PBX3: variants seen among roughly 807,000 people sequenced by gnomAD.
PBX3 encodes the protein PBX homeobox 3.
In PBX3, 14 loss-of-function variants were observed where a neutral mutation model predicts 48.5. The observed-to-expected ratio is 0.29, with a 90% CI of 0.19 to 0.45. The LOEUF is 0.45. Ranked by LOEUF, PBX3 falls within the 20% of genes least tolerant of loss-of-function variation. The pLI, the probability that PBX3 is intolerant of heterozygous loss-of-function variation, is 1.00. For missense variants in PBX3, 386 were observed against 546.7 expected (o/e 0.71, Z 2.93); for synonymous variants, 210 against 200.3 (o/e 1.05, Z -0.41).
chr9:125,762,538 C>T (rs997793259), intron 2 of PBX3, among the ~76,000 whole-genome samples: 3 of 152,038 alleles, frequency 2.0e-5, no homozygotes, highest in Admixed American at 1.3e-4. Flanking sequence ...TGCCATTATT[C>T]GGTGAGCCTT....
intron 2 of PBX3, among the ~76,000 whole-genome samples, chr9:125,882,303 T>C (rs556471658): frequency 1.5e-4 from 23 of 152,270 alleles, no homozygotes; most frequent in African/African-American, 5.1e-4. Flanking sequence ...GTTTAGAACT[T>C]TGTAAACATT....
At chr9:125,949,280 GT>G (rs2118755085) in intron 5 of PBX3, 1 of 1,453,726 alleles carries the variant, frequency 6.9e-7, no homozygotes, top group East Asian at 2.5e-5. Context: ...ATGAAATCAT[GT>G]ATGAAGAGTG....
At position 125,841,416 on chromosome 9, in the gene PBX3, C is replaced by T. The variant is rs151286508; in HGVS notation, c.275-74270C>T. ...TTTTGTTTGTGTTAATCTAGCACAC[C>T]CTAGGTACTATGTTTTTTGTCTTGA... On this transcript the variant is annotated intron_variant, in intron 2 of 8. Coordinates refer to ENST00000373489, the MANE Select transcript of PBX3 (RefSeq NM_006195.6). 3.3e-3 allele frequency among the ~76,000 whole-genome samples: 500 copies of T among 152,154 alleles called. 2 individuals are homozygous for T. The highest frequency in any genetic ancestry group is 0.011 in the African/African-American group (447 of 41,526).
At chr9:125,849,756 G>A (rs1349872373) in intron 2 of PBX3, among the ~76,000 whole-genome samples, 7 of 151,726 alleles carry the variant, frequency 4.6e-5, no homozygotes, top group African/African-American at 1.7e-4. Flanking sequence ...ATTTCCTGAA[G>A]GCTGCATAGA....
At chr9:125,901,170 C>T (rs886341301) in intron 2 of PBX3, among the ~76,000 whole-genome samples, 5 of 151,686 alleles carry the variant, frequency 3.3e-5, no homozygotes, top group Admixed American at 2.6e-4. Context: ...GTGATATCTA[C>T]CCGCTTCCGT....
Position 125,882,053 on chromosome 9 carries a change from A to G in PBX3, c.275-33633A>G, listed in dbSNP as rs150755984. Among the ~76,000 whole-genome samples, 437 of 151,848 alleles carry G rather than the reference A, an allele frequency of 2.9e-3. 2 individuals carry two copies. The highest frequency in any genetic ancestry group is 7.5e-3 in the South Asian group (36 of 4,818). ...TCATCTCTGCAAAATAAATAAATAA[A>G]TAATAAAATAAAAATAAAAATAAAA... On this transcript the variant is annotated intron_variant, in intron 2 of 8. Coordinates refer to ENST00000373489, the MANE Select transcript of PBX3 (RefSeq NM_006195.6).
At position 125,759,640 on chromosome 9, in the gene PBX3, A is replaced by G. The variant is rs1403565601; in HGVS notation, c.274+11017A>G. On this transcript the variant is annotated intron_variant, in intron 2 of 8. Transcript: ENST00000373489. This position sits in a 1 kb window ranked among gnomAD's most constrained non-coding sequence, Gnocchi z 4.2. The stretch of plus-strand genomic sequence containing the variant: ...AAGGGGGAACATAATTTTGTGGGCA[A>G]TGAATTAAGTGTTTTTGTGGCCCTC... Among the ~76,000 whole-genome samples, 7 of 152,212 alleles carry G rather than the reference A, an allele frequency of 4.6e-5. No individual in the cohort carries two copies. In the South Asian group the frequency reaches 1.0e-3, roughly 23 times the overall value.
At chr9:125,757,283 TAAAA>T (rs60669435) in intron 2 of PBX3, among the ~76,000 whole-genome samples, 2 of 149,598 alleles carry the variant, frequency 1.3e-5, no homozygotes, top group Admixed American at 1.3e-4. Flanking sequence ...TGTTTTTTTT[TAAAA>T]AAAAAACTAC....
chr9:125,865,060 TC>T (rs1290534076), intron 2 of PBX3, among the ~76,000 whole-genome samples: 1 of 152,250 alleles, frequency 6.6e-6, no homozygotes, highest in African/African-American at 2.4e-5. Context: ...TCGGATTACT[TC>T]CTATGTATTC....
chr9:125,890,859 C>G (rs560197877), intron 2 of PBX3, among the ~76,000 whole-genome samples: 1 of 152,120 alleles, frequency 6.6e-6, no homozygotes, highest in Non-Finnish European at 1.5e-5. Flanking sequence ...CAAAACAGTT[C>G]CATGGTAATA....
chr9:125,795,878 A>G (rs554398259), intron 2 of PBX3, among the ~76,000 whole-genome samples: 7 of 152,196 alleles, frequency 4.6e-5, no homozygotes, highest in South Asian at 2.1e-4. Context: ...ATGATATGAA[A>G]GATATAAAAA....
intron 2 of PBX3, among the ~76,000 whole-genome samples, chr9:125,856,662 T>G (rs1839732350): frequency 6.6e-6 from 1 of 152,226 alleles, no homozygotes; most frequent in African/African-American, 2.4e-5. Context: ...AGCTGTAACA[T>G]TGTTTCTGTC....
At chr9:125,814,465 T>C (rs1000839455) in intron 2 of PBX3, among the ~76,000 whole-genome samples, 1 of 152,188 alleles carries the variant, frequency 6.6e-6, no homozygotes, top group Admixed American at 6.5e-5. Context: ...GCTACATATA[T>C]ACATTTAGAT....
intron 5 of PBX3, among the ~76,000 whole-genome samples, chr9:125,953,935 G>A (rs572460571): frequency 1.3e-5 from 2 of 152,330 alleles, no homozygotes; most frequent in South Asian, 2.1e-4. Context: ...ACTCAGGTAT[G>A]CACGGTTTCA....
At chr9:125,878,288 G>A (rs897539768) in intron 2 of PBX3, among the ~76,000 whole-genome samples, 22 of 152,216 alleles carry the variant, frequency 1.4e-4, no homozygotes, top group African/African-American at 4.8e-4. Context: ...TAAGAGGAGT[G>A]TCTGAAAATG....
intron 2 of PBX3, among the ~76,000 whole-genome samples, chr9:125,812,597 T>A (rs1034685683): frequency 2.6e-5 from 4 of 152,256 alleles, no homozygotes; most frequent in African/African-American, 9.6e-5. Context: ...TTCCTGCTCC[T>A]GTTTTACGCT....
chr9:125,963,487 C>A (rs575659767), intron 8 of PBX3, among the ~76,000 whole-genome samples: 2 of 152,192 alleles, frequency 1.3e-5, no homozygotes, highest in Admixed American at 6.5e-5. Flanking sequence ...CCAGGCAGAC[C>A]AGCAAACCAA....
chr9:125,912,939 T>G (rs1394964183), intron 2 of PBX3, among the ~76,000 whole-genome samples: 1 of 152,070 alleles, frequency 6.6e-6, no homozygotes, highest in Non-Finnish European at 1.5e-5. Flanking sequence ...TAAGTAATAG[T>G]GAGTGGCTAG....
chr9:125,752,057 T>G (rs139846279), intron 2 of PBX3, among the ~76,000 whole-genome samples: 1 of 152,210 alleles, frequency 6.6e-6, no homozygotes, highest in Non-Finnish European at 1.5e-5. Flanking sequence ...AAAAATGTTA[T>G]GCATGAAAAA....
Sources: gnomAD v4.1 joint callset for allele counts (sites outside exome capture counted in the v4.1 genomes callset) on GRCh38, gnomAD v4.1.1 for gene constraint, Gnocchi (gnomAD v3.1) non-coding constraint, MANE v1.5 for transcripts, NCBI Gene and HGNC (gene_info 2026-07-23, HGNC 2026-07-21) for gene names.